WDR72: variants seen among roughly 807,000 people sequenced by gnomAD.
The protein encoded by WDR72 is WD repeat-containing protein 72.
WDR72 carries 120 observed loss-of-function variants against 124.2 expected under a neutral mutation model. The observed-to-expected ratio is 0.97, with a 90% CI of 0.83 to 1.12. The LOEUF (loss-of-function observed/expected upper bound fraction) is 1.12, where lower values mean the gene tolerates loss of function less well. Ranked by LOEUF, WDR72 falls within the 50% of genes most tolerant of loss-of-function variation. The probability of loss-of-function intolerance (pLI) is 0.00; values close to 1 mark genes in which losing one functional copy is unlikely to be tolerated. For synonymous variants in WDR72, 452 were observed against 441.7 expected, an observed-to-expected ratio of 1.02 and a Z score of -0.29; for missense variants, 1,387 against 1,278.8, an observed-to-expected ratio of 1.08 and a Z score of -1.29.
intron 13 of WDR72, among the ~76,000 whole-genome samples, chr15:53,689,114 G>A (rs565290054): frequency 2.0e-5 from 3 of 152,264 alleles, no homozygotes; most frequent in Admixed American, 6.5e-5. Flanking sequence ...TAAAAATCCT[G>A]GAAGAAAACC....
chr15:53,631,376 C>A (rs1199571889), intron 14 of WDR72, among the ~76,000 whole-genome samples: 1 of 152,166 alleles, frequency 6.6e-6, no homozygotes, highest in African/African-American at 2.4e-5. Context: ...GAACTGTAAA[C>A]CAATTAAACC....
intron 13 of WDR72, among the ~76,000 whole-genome samples, chr15:53,681,969 T>C (rs145872917): frequency 3.9e-5 from 6 of 152,194 alleles, no homozygotes; most frequent in African/African-American, 1.2e-4. Flanking sequence ...TAAAGTATAA[T>C]CCTGTAATAA....
At chr15:53,593,743 CAG>C (rs2012626798) in intron 18 of WDR72, among the ~76,000 whole-genome samples, 1 of 150,344 alleles carries the variant, frequency 6.7e-6, no homozygotes, top group Non-Finnish European at 1.5e-5. Context: ...GCCTGGGTGA[CAG>C]AGTGAGGCAC....
intron 1 of WDR72, among the ~76,000 whole-genome samples, chr15:53,748,093 G>A (rs62005962): frequency 0.32 from 48,792 of 151,730 alleles, 9,582 homozygotes; most frequent in East Asian, 0.46. Context: ...ATAGCCAGGT[G>A]GTGGGTTGGG....
At chr15:53,714,793 C>T (rs112727244) in intron 5 of WDR72, among the ~76,000 whole-genome samples, 20 of 152,274 alleles carry the variant, frequency 1.3e-4, no homozygotes, top group Admixed American at 2.0e-4. Flanking sequence ...GTAAGTGAGG[C>T]GCCAACTTCC....
intron 18 of WDR72, among the ~76,000 whole-genome samples, chr15:53,530,509 G>C (rs906529098): frequency 6.6e-6 from 1 of 151,756 alleles, no homozygotes; most frequent in Non-Finnish European, 1.5e-5. Flanking sequence ...TTTACTTACT[G>C]TTCACAAGTT....
intron 18 of WDR72, among the ~76,000 whole-genome samples, chr15:53,548,785 C>A (rs569998668): frequency 6.6e-6 from 1 of 152,038 alleles, no homozygotes; most frequent in African/African-American, 2.4e-5. Flanking sequence ...GAGCTATTTG[C>A]TAGAAGGGGC....
chr15:53,678,566 A>G lies in WDR72; in HGVS notation c.1766-12798T>C, dbSNP rs1595842259. Among the ~76,000 whole-genome samples the G allele has an allele frequency of 1.3e-5, 2 of 152,322 alleles. 1 individual carries two copies. The highest frequency in any genetic ancestry group is 4.1e-4 in the South Asian group (2 of 4,830). Reference sequence around the variant, plus strand: ...CACTTCCTCTAGGTGTTTTGTATACAGATGCATATACTTTATCTCTACTAT... The same window carrying G: ...CACTTCCTCTAGGTGTTTTGTATACGGATGCATATACTTTATCTCTACTAT... On this transcript the variant is annotated intron_variant, in intron 13 of 19. Transcript: ENST00000360509.
At chr15:53,701,848 G>A (rs1206104011) in intron 12 of WDR72, among the ~76,000 whole-genome samples, 1 of 152,034 alleles carries the variant, frequency 6.6e-6, no homozygotes. Context: ...GAAAAAAATA[G>A]ATGTAAGTAC....
At chr15:53,626,566 T>C (rs1157372351) in intron 14 of WDR72, among the ~76,000 whole-genome samples, 1 of 152,016 alleles carries the variant, frequency 6.6e-6, no homozygotes, top group African/African-American at 2.4e-5. Flanking sequence ...GAAAACAGAG[T>C]TCCCATACAA....
intron 17 of WDR72, among the ~76,000 whole-genome samples, chr15:53,599,278 T>C (rs1291829587): frequency 6.6e-6 from 1 of 152,188 alleles, no homozygotes; most frequent in Non-Finnish European, 1.5e-5. Context: ...TGAACAATTT[T>C]ATAACACTGA....
intron 16 of WDR72, among the ~76,000 whole-genome samples, chr15:53,613,123 T>G (rs891555750): frequency 6.6e-6 from 1 of 152,052 alleles, no homozygotes. Flanking sequence ...GTCCCAAACT[T>G]GGAAAAGCAG....
chr15:53,670,273 A>G (rs1178524262), intron 13 of WDR72, among the ~76,000 whole-genome samples: 1 of 152,264 alleles, frequency 6.6e-6, no homozygotes, highest in African/African-American at 2.4e-5. Context: ...AGCAATTAAC[A>G]TCTTGATAAG....
chr15:53,575,412 T>C (rs1894717349), intron 18 of WDR72, among the ~76,000 whole-genome samples: 1 of 152,180 alleles, frequency 6.6e-6, no homozygotes, highest in Non-Finnish European at 1.5e-5. Context: ...ATGATTGTTC[T>C]GCAAATAAAG....
intron 13 of WDR72, among the ~76,000 whole-genome samples, chr15:53,685,553 G>T (rs1009482497): frequency 5.0e-5 from 7 of 140,092 alleles, no homozygotes; most frequent in African/African-American, 1.9e-4. Flanking sequence ...AAGAAATATG[G>T]GACTATGTGA....
chr15:53,725,523 T>C (rs1435857487), intron 2 of WDR72, among the ~76,000 whole-genome samples: 1 of 152,202 alleles, frequency 6.6e-6, no homozygotes, highest in Non-Finnish European at 1.5e-5. Context: ...TACAGTAGCT[T>C]TATCCATAAT....
intron 18 of WDR72, among the ~76,000 whole-genome samples, chr15:53,578,621 T>C (rs1490288237): frequency 2.0e-5 from 3 of 151,988 alleles, no homozygotes; most frequent in Non-Finnish European, 2.9e-5. Flanking sequence ...AGAGGCAAAA[T>C]AAGACTAGAG....
chr15:53,742,320 T>C (rs1440470294), intron 1 of WDR72, among the ~76,000 whole-genome samples: 1 of 152,170 alleles, frequency 6.6e-6, no homozygotes, highest in Non-Finnish European at 1.5e-5. Context: ...AAAAACTCTC[T>C]ATAGAATCTC....
intron 18 of WDR72, among the ~76,000 whole-genome samples, chr15:53,575,949 C>T (rs1894739615): frequency 6.6e-6 from 1 of 152,114 alleles, no homozygotes; most frequent in Non-Finnish European, 1.5e-5. Flanking sequence ...CCACTGAGAC[C>T]ACTGGTCTCC....
Sources: gnomAD v4.1 joint callset for allele counts (sites outside exome capture counted in the v4.1 genomes callset) on GRCh38, gnomAD v4.1.1 for gene constraint, MANE v1.5 for transcripts, NCBI Gene and HGNC (gene_info 2026-07-23, HGNC 2026-07-21) for gene names.